STAG1: variants seen among roughly 807,000 people sequenced by gnomAD.
STAG1 encodes the protein cohesin subunit SA-1.
STAG1 carries 26 observed loss-of-function variants against 170.9 expected under a neutral mutation model. The ratio of observed to expected loss-of-function variants is 0.15; its 90% CI spans 0.11 to 0.21. STAG1 has a LOEUF of 0.21. Among genes scored for constraint, STAG1 ranks in the 10% least tolerant of loss-of-function variants. The probability of loss-of-function intolerance (pLI) is 1.00; values close to 1 mark genes in which losing one functional copy is unlikely to be tolerated. For synonymous variants in STAG1, 514 were observed against 497.7 expected (o/e 1.03, Z -0.44); for missense variants, 964 against 1,509.5 (o/e 0.64, Z 5.99).
intron 3 of STAG1, among the ~76,000 whole-genome samples, chr3:136,612,600 A>C (rs1939358973): frequency 6.6e-6 from 1 of 152,206 alleles, no homozygotes; most frequent in Non-Finnish European, 1.5e-5. Context: ...GGATGGCTTG[A>C]GCCTAGGAGC....
intron 21 of STAG1, among the ~76,000 whole-genome samples, chr3:136,405,921 C>G (rs2087471599): frequency 6.6e-6 from 1 of 151,004 alleles, no homozygotes; most frequent in African/African-American, 2.4e-5. Context: ...ATAACTGAAG[C>G]TCATACATTG....
At chr3:136,391,224 T>C (rs993704231) in intron 22 of STAG1, among the ~76,000 whole-genome samples, 9 of 151,966 alleles carry the variant, frequency 5.9e-5, no homozygotes, top group African/African-American at 9.7e-5. Context: ...CAGTCTAGAA[T>C]AGAAACATGC....
At chr3:136,626,367 C>T (rs961826016) in intron 2 of STAG1, among the ~76,000 whole-genome samples, 1 of 150,030 alleles carries the variant, frequency 6.7e-6, no homozygotes, top group Admixed American at 6.6e-5. Flanking sequence ...CGTAGGTTGG[C>T]CGAGCCAAGA....
chr3:136,351,432 A>G (rs1936430326), intron 28 of STAG1, among the ~76,000 whole-genome samples: 1 of 152,200 alleles, frequency 6.6e-6, no homozygotes. Flanking sequence ...AAAATAAAAT[A>G]AAAAATAAAA....
intron 22 of STAG1, among the ~76,000 whole-genome samples, chr3:136,378,331 T>A (rs1937724827): frequency 6.6e-6 from 1 of 152,104 alleles, no homozygotes; most frequent in East Asian, 1.9e-4. Context: ...TAATCTAAGG[T>A]TGGATGGGTA....
At chr3:136,375,050 T>C (rs911364293) in intron 23 of STAG1, among the ~76,000 whole-genome samples, 29 of 152,202 alleles carry the variant, frequency 1.9e-4, no homozygotes, top group Admixed American at 8.5e-4. Flanking sequence ...GGCCATACCA[T>C]AGAGCATAGG....
At chr3:136,664,495 C>T (rs1469073558) in intron 1 of STAG1, among the ~76,000 whole-genome samples, 8 of 152,140 alleles carry the variant, frequency 5.3e-5, no homozygotes. Flanking sequence ...AAGCCTGCCA[C>T]CTAGTCAACC....
At chr3:136,632,355 A>G (rs1470112460) in intron 1 of STAG1, among the ~76,000 whole-genome samples, 2 of 152,184 alleles carry the variant, frequency 1.3e-5, no homozygotes, top group African/African-American at 4.8e-5. Flanking sequence ...ATTTGGTGAG[A>G]AGGCACTATG....
intron 9 of STAG1, among the ~76,000 whole-genome samples, chr3:136,479,232 C>T (rs1213424681): frequency 8.0e-6 from 1 of 124,696 alleles, no homozygotes; most frequent in African/African-American, 2.9e-5. Flanking sequence ...CCCCCCTCCC[C>T]TGACCCCACC....
chr3:136,462,068 G>C (rs1352344736), intron 13 of STAG1, among the ~76,000 whole-genome samples: 1 of 152,082 alleles, frequency 6.6e-6, no homozygotes, highest in East Asian at 1.9e-4. Context: ...AGGATGCAGA[G>C]AAAGGTGAAT....
intron 1 of STAG1, among the ~76,000 whole-genome samples, chr3:136,669,905 T>C (rs973394098): frequency 6.6e-6 from 1 of 152,262 alleles, no homozygotes; most frequent in African/African-American, 2.4e-5. Context: ...TTACTCCATA[T>C]ACCATAATAG....
Position 136,626,424 on chromosome 3 carries a change from C to CAA in STAG1, c.30-3178_30-3177dup, listed in dbSNP as rs755048196. Among the ~76,000 whole-genome samples, 62 of 77,378 alleles carry CAA rather than the reference C, an allele frequency of 8.0e-4. No homozygotes were observed. The East Asian group carries it at 0.013, about 16-fold the overall frequency. The allele number at this position is 77,378 out of a possible 152,430, so 50.8% of individuals were successfully genotyped here. On this transcript the variant is annotated intron_variant, in intron 2 of 33. Coordinates refer to ENST00000383202, the MANE Select transcript of STAG1 (RefSeq NM_005862.3). Reference sequence around the variant, plus strand: ...TGAGCAACAGAGTGAGACTACATCTCAAAAAAAAAAAAAAACCAAAAAAAC... The same window carrying CAA: ...TGAGCAACAGAGTGAGACTACATCTCAAAAAAAAAAAAAAAAACCAAAAAAAC...
intron 19 of STAG1, 137 bp downstream of exon 19, chr3:136,422,273 A>G (rs2087981569): frequency 1.5e-6 from 1 of 684,356 alleles, no homozygotes; most frequent in East Asian, 2.7e-5. Context: ...CACAATTGTA[A>G]TAAGGTTGCT....
intron 21 of STAG1, among the ~76,000 whole-genome samples, chr3:136,405,229 C>A (rs1181395489): frequency 2.5e-5 from 3 of 118,508 alleles, no homozygotes; most frequent in African/African-American, 9.1e-5. Context: ...ATGAAAAAAC[C>A]TCTTTTTTTT....
chr3:136,634,830 G>GA (rs892895142), intron 1 of STAG1, among the ~76,000 whole-genome samples: 1 of 151,720 alleles, frequency 6.6e-6, no homozygotes, highest in Admixed American at 6.6e-5. Context: ...AATGACTTTT[G>GA]AAAAAAAGAG....
At chr3:136,634,250 G>A (rs752923197) in intron 1 of STAG1, among the ~76,000 whole-genome samples, 4 of 151,750 alleles carry the variant, frequency 2.6e-5, no homozygotes, top group African/African-American at 4.8e-5. Context: ...TACTCTATTC[G>A]AGAGGCTGAG....
chr3:136,558,794 T>A (rs1158248435), intron 5 of STAG1, among the ~76,000 whole-genome samples: 1 of 152,208 alleles, frequency 6.6e-6, no homozygotes, highest in African/African-American at 2.4e-5. Context: ...TGTGCATGAA[T>A]ACCAAATTAA....
intron 5 of STAG1, among the ~76,000 whole-genome samples, chr3:136,551,312 A>G (rs963946929): frequency 1.4e-5 from 2 of 145,458 alleles, no homozygotes; most frequent in African/African-American, 2.6e-5. Flanking sequence ...CAGTGGCACA[A>G]TCCTGGCTCA....
intron 14 of STAG1, 120 bp downstream of exon 14, chr3:136,451,913 T>C (rs1446163669): frequency 4.6e-6 from 3 of 652,272 alleles, no homozygotes; most frequent in Non-Finnish European, 7.7e-6. Context: ...ATGCAATTCA[T>C]GAAGGTAACT....
Sources: allele counts gnomAD v4.1 joint callset (sites outside exome capture counted in the v4.1 genomes callset), GRCh38; gene constraint gnomAD v4.1.1; transcripts MANE v1.5; gene names NCBI Gene and HGNC (gene_info 2026-07-23, HGNC 2026-07-21).